Variants in ROCK2 observed in about 807,000 individuals in gnomAD.
ROCK2 encodes the protein Rho associated coiled-coil containing protein kinase 2.
A neutral mutation model predicts 195.1 loss-of-function variants in ROCK2; 61 were observed. The ratio of observed to expected loss-of-function variants is 0.31; its 90% confidence interval spans 0.25 to 0.39. The LOEUF is 0.39. ROCK2 is among the 10% of genes least tolerant of loss of function. The pLI is 1.00. For synonymous variants in ROCK2, 504 were observed against 545.5 expected, an observed-to-expected ratio of 0.92 and a Z score of 1.06; for missense variants, 1,109 against 1,637.4, an observed-to-expected ratio of 0.68 and a Z score of 5.57.
rs559641579 is a variant in ROCK2 at position 11,307,413 on chromosome 2, A to C, written c.142-19677T>G. On this transcript the variant is annotated intron_variant, in intron 1 of 32. Coordinates refer to ENST00000315872, the MANE Select transcript of ROCK2 (RefSeq NM_004850.5). ...ACTGCAACCTCCGCCTCCCAGGTTC[A>C]AGCAATTCTCCTGCCTCAGCCTCCC... Among the ~76,000 whole-genome samples, 179 of 152,298 alleles carry C rather than the reference A, an allele frequency of 1.2e-3. 3 individuals carry two copies. The South Asian group carries it at 0.036, about 31-fold the overall frequency.
intron 4 of ROCK2, among the ~76,000 whole-genome samples, chr2:11,238,209 A>AGTGTGTGTGTGTGTGT (rs6146630): frequency 0.081 from 10,897 of 135,182 alleles, 593 homozygotes; most frequent in East Asian, 0.15. Flanking sequence ...ATTGAGAAAG[A>AGTGTGTGTGTGTGTGT]GTGTGTGTGT....
rs547084746 is a variant in ROCK2, at chr2:11,220,263, C to A, written c.1259+935G>T. 6.0e-4 allele frequency among the ~76,000 whole-genome samples: 92 copies of A among 152,124 alleles called. 2 individuals carry two copies. The South Asian group carries it at 0.01, about 17-fold the overall frequency. ...GAACTCCCGACCTCAGGTGATCTGC[C>A]CACCTCAGCCTCCAAAGTGCTGGGA... On this transcript the variant is annotated intron_variant, in intron 9 of 32. Transcript: ENST00000315872.
chr2:11,214,221 A>G, intron 17 of ROCK2, 136 bp downstream of exon 17: 1 of 597,124 alleles, frequency 1.7e-6, no homozygotes, highest in Middle Eastern at 4.5e-4. Context: ...TTATCTACAC[A>G]TCAAGTCCAA....
intron 7 of ROCK2, among the ~76,000 whole-genome samples, chr2:11,222,773 C>T (rs1431213915): frequency 6.6e-6 from 1 of 152,048 alleles, no homozygotes. Flanking sequence ...CTGTGTTATA[C>T]AAGGCCCTGG....
Position 11,256,609 on chromosome 2 carries a change from TTAATTA to T in ROCK2, c.325-6817_325-6812del, listed in dbSNP as rs1666044856. Among the ~76,000 whole-genome samples, 6 of 150,612 alleles carry T rather than the reference TTAATTA, an allele frequency of 4.0e-5. No individual in the cohort carries two copies. The South Asian group carries it at 1.0e-3, about 26-fold the overall frequency. On this transcript the variant is annotated intron_variant, in intron 3 of 32. Coordinates refer to ENST00000315872, the MANE Select transcript of ROCK2 (RefSeq NM_004850.5). ...TAAATATATACATAAGTTATATAGT[TTAATTA>T]TGAGTTCAAATGAGTTGAAAACAAA...
chr2:11,278,904 G>A (rs763636510), intron 3 of ROCK2, among the ~76,000 whole-genome samples: 13 of 152,020 alleles, frequency 8.6e-5, no homozygotes, highest in African/African-American at 3.1e-4. Flanking sequence ...ATTAGCCACC[G>A]TGCCCAGCTG....
intron 32 of ROCK2, among the ~76,000 whole-genome samples, chr2:11,188,103 A>ATTTTTTTTTTTTT (rs747304783): frequency 1.8e-5 from 2 of 112,646 alleles, no homozygotes; most frequent in African/African-American, 3.5e-5. Context: ...CTGGTATATA[A>ATTTTTTTTTTTTT]TTTTTTTTTT....
At chr2:11,245,735 T>C (rs997576288) in intron 4 of ROCK2, among the ~76,000 whole-genome samples, 2 of 152,164 alleles carry the variant, frequency 1.3e-5, no homozygotes, top group Non-Finnish European at 2.9e-5. Context: ...TATTAAGGCT[T>C]CGTTAAAGGT....
intron 4 of ROCK2, among the ~76,000 whole-genome samples, chr2:11,238,003 G>A (rs1230427236): frequency 6.6e-6 from 1 of 152,144 alleles, no homozygotes; most frequent in Non-Finnish European, 1.5e-5. Flanking sequence ...GCTGGAACCC[G>A]GGAGGCAGAG....
chr2:11,344,093 T>G lies in ROCK2; in HGVS notation c.44A>C (p.Glu15Ala). The change falls in exon 1 of 33, where the codon GAG becomes GCG. Residue 15 changes from glutamate to alanine, a missense_variant. By Grantham distance (107) the Glu-to-Ala change is moderately radical (BLOSUM62 -1). Transcript: ENST00000315872. The surrounding 1 kb of genome is among the most constrained non-coding windows in gnomAD (Gnocchi z 5.4). ...PPTGKMPGAPETAPGDGAGAS... is the reference protein window; with the variant it reads ...PPTGKMPGAPATAPGDGAGAS... Reference sequence around the variant, plus strand: ...GCCTGCCCCGTCCCCCGGCGCGGTCTCGGGGGCGCCGGGCATTTTCCCCGT... The same window carrying G: ...GCCTGCCCCGTCCCCCGGCGCGGTCGCGGGGGCGCCGGGCATTTTCCCCGT... 1 of 1,525,772 alleles carries G rather than the reference T, an allele frequency of 6.6e-7. No individual in the cohort carries two copies. The highest frequency in any genetic ancestry group is 8.7e-7 in the Non-Finnish European group (1 of 1,143,398). The allele number at this position is 1,525,772 out of a possible 1,614,324, so 94.5% of individuals were successfully genotyped here.
intron 20 of ROCK2, among the ~76,000 whole-genome samples, chr2:11,202,492 A>AT (rs1663894502): frequency 1.3e-5 from 2 of 150,328 alleles, no homozygotes; most frequent in African/African-American, 2.4e-5. Context: ...AATAATAATA[A>AT]TAATTATTAT....
At chr2:11,295,887 G>A (rs1667496477) in intron 1 of ROCK2, among the ~76,000 whole-genome samples, 1 of 151,778 alleles carries the variant, frequency 6.6e-6, no homozygotes, top group Non-Finnish European at 1.5e-5. Context: ...AACCCAAGAG[G>A]CGGAGCTTGC....
chr2:11,251,108 C>T lies in ROCK2; in HGVS notation c.325-1310G>A, dbSNP rs539344858. Among the ~76,000 whole-genome samples the T allele has an allele frequency of 2.0e-5, 3 of 152,266 alleles. No homozygotes were observed. In the South Asian group the frequency reaches 6.2e-4, roughly 32 times the overall value. On this transcript the variant is annotated intron_variant, in intron 3 of 32. Coordinates refer to ENST00000315872, the MANE Select transcript of ROCK2 (RefSeq NM_004850.5). ...GCATATTACATATTAGCTCACCATCCCCTTCTGCTGCCAGCATATTCCATA... is the reference window on the plus strand; with the variant it reads ...GCATATTACATATTAGCTCACCATCTCCTTCTGCTGCCAGCATATTCCATA...
At chr2:11,306,506 T>C (rs1325937695) in intron 1 of ROCK2, among the ~76,000 whole-genome samples, 4 of 152,232 alleles carry the variant, frequency 2.6e-5, no homozygotes, top group Non-Finnish European at 5.9e-5. Context: ...GAATATTTTA[T>C]CTGCTTTGTT....
intron 1 of ROCK2, among the ~76,000 whole-genome samples, chr2:11,336,436 G>A (rs1415364040): frequency 6.6e-6 from 1 of 151,916 alleles, no homozygotes. Flanking sequence ...TTCTGTAGAG[G>A]CGACAAATCT....
chr2:11,221,361 T>C lies in ROCK2; in HGVS notation c.1100-4A>G. 6.6e-7 allele frequency: 1 copy of C among 1,521,796 alleles called. No homozygotes were observed. Among genetic ancestry groups the C allele is most frequent in the Non-Finnish European group, 8.7e-7 (1 of 1,146,088 alleles). 94.3% of individuals were successfully genotyped at this position (1,521,796 alleles called of 1,614,324 possible). A position where few individuals can be genotyped will look rare whatever the true frequency, so the allele number is the denominator to read the frequency against. On this transcript the variant is annotated splice_polypyrimidine_tract_variant and splice_region_variant and intron_variant, in intron 8 of 32. Transcript: ENST00000315872. ...TCAGGTACTACAGGAGCTGCCGCTA[T>C]TAAAAGAAAAGAAATAAATTATTTC... is the stretch of plus-strand genomic sequence containing the variant.
intron 1 of ROCK2, among the ~76,000 whole-genome samples, chr2:11,335,108 TAC>T (rs59721285): frequency 0.2 from 28,516 of 144,820 alleles, 2,790 homozygotes; most frequent in East Asian, 0.34. Context: ...CTTTGACTGA[TAC>T]ACACACACAC....
rs74899496 is a variant in ROCK2 at position 11,256,920 on chromosome 2, C to T, written c.325-7122G>A. 1.5e-4 allele frequency among the ~76,000 whole-genome samples: 22 copies of T among 151,290 alleles called. 2 individuals carry two copies. Among genetic ancestry groups the T allele is most frequent in the African/African-American group, 4.2e-4 (17 of 40,660 alleles). On this transcript the variant is annotated intron_variant, in intron 3 of 32. Transcript: ENST00000315872. The stretch of plus-strand genomic sequence containing the variant: ...CCCCATGGTCTTAGTTTAGGTTGTT[C>T]GGAGGTTGAATTACGCTCCAAGGTC...
chr2:11,198,797 AT>A (rs777043237), intron 23 of ROCK2, 23 bp from the exon 24 acceptor site: 9 of 1,335,548 alleles, frequency 6.7e-6, no homozygotes, highest in Non-Finnish European at 8.5e-6. Flanking sequence ...AGAGGAAAAA[AT>A]AATCACATCC....
Sources: allele counts gnomAD v4.1 joint callset (sites outside exome capture counted in the v4.1 genomes callset), GRCh38; gene constraint gnomAD v4.1.1; non-coding constraint Gnocchi (gnomAD v3.1); transcripts MANE v1.5; gene names NCBI Gene and HGNC (gene_info 2026-07-23, HGNC 2026-07-21).